The following PTPRD variants were observed in gnomAD, a reference collection of about 807,000 sequenced individuals.
PTPRD encodes the protein protein tyrosine phosphatase receptor type D.
In PTPRD, 34 loss-of-function variants were observed where a neutral mutation model predicts 214.5. The observed-to-expected ratio is 0.16, with a 90% CI of 0.12 to 0.21. The LOEUF (loss-of-function observed/expected upper bound fraction) is 0.21. Among genes scored for constraint, PTPRD ranks in the 10% least tolerant of loss-of-function variants. The pLI, the probability that PTPRD is intolerant of heterozygous loss-of-function variation, is 1.00. For synonymous variants in PTPRD, 1,128 were observed against 845.7 expected (o/e 1.33, Z -5.79); for missense variants, 2,545 against 2,398.7 (o/e 1.06, Z -1.27).
At chr9:10,609,079 G>T (rs946527038) in intron 2 of PTPRD, among the ~76,000 whole-genome samples, 1 of 151,948 alleles carries the variant, frequency 6.6e-6, no homozygotes, top group Admixed American at 6.6e-5. Context: ...CATATCATTT[G>T]CATTGTTAAA....
chr9:9,571,268 G>C (rs2086300321), intron 8 of PTPRD, among the ~76,000 whole-genome samples: 1 of 151,092 alleles, frequency 6.6e-6, no homozygotes, highest in African/African-American at 2.4e-5. Context: ...TGTGTTTTTG[G>C]TGAAAATTTT....
chr9:8,333,551 G>A (rs1768598211), intron 43 of PTPRD, among the ~76,000 whole-genome samples: 1 of 152,096 alleles, frequency 6.6e-6, no homozygotes, highest in African/African-American at 2.4e-5. Context: ...GCTCCTGAAG[G>A]AAGCACTAAA....
intron 2 of PTPRD, among the ~76,000 whole-genome samples, chr9:10,430,191 T>C (rs993712245): frequency 6.6e-6 from 1 of 151,978 alleles, no homozygotes; most frequent in Non-Finnish European, 1.5e-5. Context: ...CTAAGAAATT[T>C]AGAATATTTT....
intron 7 of PTPRD, among the ~76,000 whole-genome samples, chr9:9,634,486 T>G (rs541598596): frequency 6.6e-6 from 1 of 152,170 alleles, no homozygotes; most frequent in Non-Finnish European, 1.5e-5. Context: ...GTTTCTGCTA[T>G]TGGTAATTCA....
At chr9:9,246,628 C>T (rs1394570408) in intron 9 of PTPRD, among the ~76,000 whole-genome samples, 1 of 152,006 alleles carries the variant, frequency 6.6e-6, no homozygotes, top group African/African-American at 2.4e-5. Context: ...CATAGAAATG[C>T]CTCTTATTAA....
At chr9:9,199,203 T>A (rs1042637559) in intron 9 of PTPRD, among the ~76,000 whole-genome samples, 3 of 152,160 alleles carry the variant, frequency 2.0e-5, no homozygotes, top group African/African-American at 7.2e-5. Context: ...GTAATATATA[T>A]ATAACTAAGT....
chr9:8,622,371 T>C (rs1421117442), intron 14 of PTPRD, among the ~76,000 whole-genome samples: 2 of 151,980 alleles, frequency 1.3e-5, no homozygotes, highest in Admixed American at 1.3e-4. Flanking sequence ...ACATCTTACA[T>C]TTCAACAAAC....
At chr9:9,937,463 G>C (rs1182674720) in intron 5 of PTPRD, among the ~76,000 whole-genome samples, 1 of 149,248 alleles carries the variant, frequency 6.7e-6, no homozygotes, top group Non-Finnish European at 1.5e-5. Flanking sequence ...TTTACTATTA[G>C]AAAAAATATT....
intron 3 of PTPRD, among the ~76,000 whole-genome samples, chr9:10,167,271 T>C (rs969833313): frequency 2.6e-5 from 4 of 152,158 alleles, no homozygotes; most frequent in Non-Finnish European, 5.9e-5. Context: ...TTTTGAGCAC[T>C]CATGGCAATA....
At chr9:8,319,802 G>T (rs764014552) in intron 45 of PTPRD, 29 bp downstream of exon 45, 1 of 1,611,490 alleles carries the variant, frequency 6.2e-7, no homozygotes. Flanking sequence ...AGGCTCTTGA[G>T]ATGCGAAAAA....
chr9:10,071,656 A>C (rs984273806), intron 3 of PTPRD, among the ~76,000 whole-genome samples: 1 of 152,088 alleles, frequency 6.6e-6, no homozygotes, highest in Non-Finnish European at 1.5e-5. Flanking sequence ...AGGTCTAAAA[A>C]TAAGTCTAAA....
intron 11 of PTPRD, among the ~76,000 whole-genome samples, chr9:8,897,783 AT>A (rs1312498303): frequency 1.3e-5 from 2 of 152,198 alleles, no homozygotes; most frequent in African/African-American, 4.8e-5. Flanking sequence ...TTGGATAAAC[AT>A]TTGATTCCTT....
At chr9:8,750,632 G>C (rs1196011489) in intron 11 of PTPRD, among the ~76,000 whole-genome samples, 1 of 152,184 alleles carries the variant, frequency 6.6e-6, no homozygotes, top group African/African-American at 2.4e-5. Context: ...ATGACAAGAA[G>C]AAATGCAGAA....
At chr9:9,973,368 A>G (rs2095222976) in intron 4 of PTPRD, among the ~76,000 whole-genome samples, 1 of 151,960 alleles carries the variant, frequency 6.6e-6, no homozygotes, top group Non-Finnish European at 1.5e-5. Context: ...GCTACTTGGA[A>G]GGCTGAAGCC....
At chr9:9,747,364 A>G (rs1022818715) in intron 6 of PTPRD, among the ~76,000 whole-genome samples, 1 of 152,164 alleles carries the variant, frequency 6.6e-6, no homozygotes, top group African/African-American at 2.4e-5. Context: ...AGTTCATGGC[A>G]GCAACTCGTG....
At chr9:9,941,176 C>G (rs1307414349) in intron 4 of PTPRD, among the ~76,000 whole-genome samples, 2 of 152,092 alleles carry the variant, frequency 1.3e-5, no homozygotes, top group East Asian at 3.9e-4. Flanking sequence ...TGCCTGTGGG[C>G]TACAGGATGG....
At position 9,079,256 on chromosome 9, in the gene PTPRD, C is replaced by T. The variant is rs117004333; in HGVS notation, c.-142-60521G>A. Among the ~76,000 whole-genome samples the T allele has an allele frequency of 2.7e-3, 417 of 152,138 alleles. 2 individuals are homozygous for T. The highest frequency in any genetic ancestry group is 0.016 in the East Asian group (81 of 5,168). Reference sequence around the variant, plus strand: ...TATCCTCTGTTCTACTGTTTACTTACATTAGATCAAATTTTTTTTAGCTTC... The same window carrying T: ...TATCCTCTGTTCTACTGTTTACTTATATTAGATCAAATTTTTTTTAGCTTC... On this transcript the variant is annotated intron_variant, in intron 10 of 45. Coordinates refer to ENST00000381196, the MANE Select transcript of PTPRD (RefSeq NM_002839.4).
At chr9:9,513,823 A>G (rs1012782368) in intron 8 of PTPRD, among the ~76,000 whole-genome samples, 7 of 152,072 alleles carry the variant, frequency 4.6e-5, no homozygotes, top group South Asian at 2.1e-4. Flanking sequence ...CTTGTTTATT[A>G]GGAATCAAAT....
At position 10,509,557 on chromosome 9, in the gene PTPRD, T is replaced by TTTTATATATATATATATATATATA. The variant is rs1555449948; in HGVS notation, c.-600+102840_-600+102841insTATATATATATATATATATATAAA. ...TAAATATATTTACATTTAATAAATA[T>TTTTATATATATATATATATATATA]TATATATATATATATATATATATTT... On this transcript the variant is annotated intron_variant, in intron 2 of 45. Transcript: ENST00000381196. Among the ~76,000 whole-genome samples the TTTTATATATATATATATATATATA allele has an allele frequency of 2.0e-4, 21 of 106,692 alleles. 1 individual carries two copies. Among genetic ancestry groups the TTTTATATATATATATATATATATA allele is most frequent in the South Asian group, 2.0e-3 (6 of 3,068 alleles). The allele number at this position is 106,692 out of a possible 152,430, so 70.0% of individuals were successfully genotyped here.
Sources: allele counts gnomAD v4.1 joint callset (sites outside exome capture counted in the v4.1 genomes callset), GRCh38; gene constraint gnomAD v4.1.1; transcripts MANE v1.5; gene names NCBI Gene and HGNC (gene_info 2026-07-23, HGNC 2026-07-21).